The following MAPRE2 variants were observed in gnomAD, a reference collection of about 807,000 sequenced individuals.
MAPRE2 encodes the protein microtubule-associated protein RP/EB family member 2.
MAPRE2 carries 13 observed loss-of-function variants against 43.2 expected under a neutral mutation model. That is an observed-to-expected ratio of 0.30 (90% CI 0.20 to 0.48). The LOEUF is 0.48. MAPRE2 is among the 20% of genes least tolerant of loss of function. The probability of loss-of-function intolerance (pLI) is 0.99; values close to 1 mark genes in which losing one functional copy is unlikely to be tolerated. For synonymous variants in MAPRE2, 135 were observed against 148.8 expected, an observed-to-expected ratio of 0.91 and a Z score of 0.68; for missense variants, 161 against 400.2, an observed-to-expected ratio of 0.40 and a Z score of 5.10.
chr18:35,092,253 A>G (rs938642131), intron 2 of MAPRE2, among the ~76,000 whole-genome samples: 6 of 152,208 alleles, frequency 3.9e-5, no homozygotes, highest in Admixed American at 1.3e-4. Flanking sequence ...TCCAAACCAT[A>G]TCACCTGAAA....
intron 2 of MAPRE2, among the ~76,000 whole-genome samples, chr18:35,079,891 A>C (rs1907550097): frequency 6.6e-6 from 1 of 152,278 alleles, no homozygotes; most frequent in South Asian, 2.1e-4. Context: ...AGGCAAAAAG[A>C]AGTTGCAGTG....
chr18:35,140,010 T>G (rs1910557012), intron 6 of MAPRE2, among the ~76,000 whole-genome samples: 1 of 152,236 alleles, frequency 6.6e-6, no homozygotes, highest in South Asian at 2.1e-4. Flanking sequence ...ATGCCATGTA[T>G]TCTAAGAAGA....
chr18:35,068,137 A>AT (rs2150621410), intron 1 of MAPRE2, among the ~76,000 whole-genome samples: 1 of 152,340 alleles, frequency 6.6e-6, no homozygotes, highest in East Asian at 1.9e-4. Context: ...TATTGCTTTC[A>AT]TGAGCATAAA....
chr18:35,063,484 TAA>T (rs111922465), intron 1 of MAPRE2, among the ~76,000 whole-genome samples: 79 of 140,996 alleles, frequency 5.6e-4, no homozygotes, highest in African/African-American at 8.4e-4. Flanking sequence ...GAAGGTAACT[TAA>T]AAAAAAAAAA....
At chr18:35,069,907 C>G (rs1403763262) in intron 1 of MAPRE2, among the ~76,000 whole-genome samples, 4 of 152,186 alleles carry the variant, frequency 2.6e-5, no homozygotes, top group Non-Finnish European at 5.9e-5. Flanking sequence ...CACACGTAGA[C>G]TTACAGTCAA....
At chr18:35,021,098 G>A (rs1173393783) in intron 2 of MAPRE2, among the ~76,000 whole-genome samples, 1 of 152,104 alleles carries the variant, frequency 6.6e-6, no homozygotes, top group Non-Finnish European at 1.5e-5. Flanking sequence ...ATCTCAAGGG[G>A]GCAGAGAGAA....
chr18:35,008,036 G>A (rs911098035), intron 2 of MAPRE2, among the ~76,000 whole-genome samples: 1 of 152,136 alleles, frequency 6.6e-6, no homozygotes, highest in African/African-American at 2.4e-5. Context: ...CCTAGGGAAA[G>A]CTGTATTGAT....
chr18:34,994,861 A>G (rs1260614359), intron 1 of MAPRE2, among the ~76,000 whole-genome samples: 1 of 152,156 alleles, frequency 6.6e-6, no homozygotes, highest in African/African-American at 2.4e-5. Flanking sequence ...TAATTGGGAA[A>G]ACCTCAAACC....
chr18:35,104,334 C>T (rs139245215), intron 4 of MAPRE2, among the ~76,000 whole-genome samples: 101 of 152,080 alleles, frequency 6.6e-4, no homozygotes, highest in African/African-American at 2.2e-3. Context: ...CAACCTTTAA[C>T]AAATGTGTCA....
chr18:35,118,001 G>A (rs1468168709), intron 4 of MAPRE2, among the ~76,000 whole-genome samples: 2 of 152,000 alleles, frequency 1.3e-5, no homozygotes, highest in African/African-American at 2.4e-5. Context: ...GGAAAATACT[G>A]GAGAATCACA....
At chr18:35,055,565 A>ATGTGTG (rs35542955) in intron 1 of MAPRE2, among the ~76,000 whole-genome samples, 1 of 72,498 alleles carries the variant, frequency 1.4e-5, no homozygotes. Flanking sequence ...GTGTGTGTGT[A>ATGTGTG]TGTGTGTGTG....
intron 4 of MAPRE2, among the ~76,000 whole-genome samples, chr18:35,116,945 A>G (rs1909438275): frequency 1.3e-5 from 2 of 152,326 alleles, no homozygotes; most frequent in South Asian, 2.1e-4. Context: ...AGTCATGGAA[A>G]AGTTTAAGCA....
At chr18:35,016,054 G>T (rs769585316) in intron 2 of MAPRE2, among the ~76,000 whole-genome samples, 2 of 151,804 alleles carry the variant, frequency 1.3e-5, no homozygotes, top group Admixed American at 6.6e-5. Flanking sequence ...TGTGGTATTG[G>T]TTTTCTATAT....
chr18:35,113,311 G>T (rs1398856195), intron 4 of MAPRE2, among the ~76,000 whole-genome samples: 1 of 152,178 alleles, frequency 6.6e-6, no homozygotes, highest in African/African-American at 2.4e-5. Flanking sequence ...CTGTAGAAAA[G>T]CCCAAGGGCT....
At position 35,141,404 on chromosome 18, in the gene MAPRE2, A is replaced by G. The variant is rs1353681244; in HGVS notation, c.*1035A>G. ...AAGTGAAGACCTTATTAATAGGAGC[A>G]TAATTGCGAGGGAGAATCATGGTTC... is the stretch of plus-strand genomic sequence containing the variant. On this transcript the variant is annotated 3_prime_UTR_variant, in exon 7 of 7. Coordinates refer to ENST00000300249, the MANE Select transcript of MAPRE2 (RefSeq NM_014268.4). The G allele has an allele frequency of 6.6e-6, 1 of 152,256 alleles. No homozygotes were observed. The highest frequency in any genetic ancestry group is 2.4e-5 in the African/African-American group (1 of 41,458). The allele number at this position is 152,256 out of a possible 1,614,324, so 9.4% of individuals were successfully genotyped here.
At chr18:35,035,358 G>A (rs1227709049) in intron 2 of MAPRE2, among the ~76,000 whole-genome samples, 1 of 141,610 alleles carries the variant, frequency 7.1e-6, no homozygotes, top group Non-Finnish European at 1.5e-5. Flanking sequence ...TCTGGGGACG[G>A]TTGTGGGGTG....
chr18:35,097,428 G>C lies in MAPRE2; in HGVS notation c.251-18G>C. On this transcript the variant is annotated intron_variant, in intron 2 of 6. Transcript: ENST00000300249. ...GTACAGTGAGACTCACTCCAGTACT[G>C]TTCTTGTTTCTTTCCAGGAGCGGCC... 2 of 1,612,542 alleles carry C rather than the reference G, an allele frequency of 1.2e-6. No individual in the cohort carries two copies. Among genetic ancestry groups the C allele is most frequent in the South Asian group, 1.1e-5 (1 of 90,884 alleles).
intron 1 of MAPRE2, among the ~76,000 whole-genome samples, chr18:35,047,578 G>T (rs1905695065): frequency 6.6e-6 from 1 of 152,144 alleles, no homozygotes. Flanking sequence ...ATAAATCAAA[G>T]AAATTTCTCC....
intron 2 of MAPRE2, among the ~76,000 whole-genome samples, chr18:35,088,545 C>T (rs1174276295): frequency 2.0e-5 from 3 of 152,072 alleles, no homozygotes; most frequent in Non-Finnish European, 4.4e-5. Flanking sequence ...TAAGGGTAAC[C>T]GTGGCATAAT....
Sources: allele counts gnomAD v4.1 joint callset (sites outside exome capture counted in the v4.1 genomes callset), GRCh38; gene constraint gnomAD v4.1.1; transcripts MANE v1.5; gene names NCBI Gene and HGNC (gene_info 2026-07-23, HGNC 2026-07-21).